Variants in MTUS1 observed in about 807,000 individuals in gnomAD.
The protein encoded by MTUS1 is microtubule-associated tumor suppressor 1.
Under a neutral mutation model 120.8 loss-of-function variants are expected in MTUS1, and 109 were observed. That is an observed-to-expected ratio of 0.90 (90% CI 0.77 to 1.06). The LOEUF (loss-of-function observed/expected upper bound fraction) is 1.06. MTUS1 is among the 50% of genes least tolerant of loss of function. MTUS1 has a pLI of 0.00. For synonymous variants in MTUS1, 737 were observed against 550.5 expected (o/e 1.34, Z -4.74); for missense variants, 2,210 against 1,486.3 (o/e 1.49, Z -8.01).
intron 2 of MTUS1, among the ~76,000 whole-genome samples, chr8:17,749,188 A>G (rs2047998585): frequency 1.3e-5 from 2 of 152,180 alleles, no homozygotes; most frequent in Admixed American, 1.3e-4. Flanking sequence ...CTTAAGACTG[A>G]TAGAACAGAC....
chr8:17,654,195 T>C (rs899338169), intron 10 of MTUS1: 17 of 233,632 alleles, frequency 7.3e-5, no homozygotes, highest in African/African-American at 3.6e-4. Context: ...CATCGACATT[T>C]CACAGCAACA....
In MTUS1 at chr8:17,721,901, T is replaced by C; in HGVS notation, c.2449+1771A>G. On this transcript the variant is annotated intron_variant, in intron 4 of 14. Transcript: ENST00000693296. ...CTGCGAAATCCTCCTGGTACAGTCATTTAAAAGGATCAAAGCAAGCTTAAG... is the reference window on the plus strand; with the variant it reads ...CTGCGAAATCCTCCTGGTACAGTCACTTAAAAGGATCAAAGCAAGCTTAAG... 3.1e-6 allele frequency: 5 copies of C among 1,612,810 alleles called. 1 individual carries two copies. The highest frequency in any genetic ancestry group is 2.2e-5 in the South Asian group (2 of 90,908).
intron 1 of MTUS1, among the ~76,000 whole-genome samples, chr8:17,779,981 G>C (rs1378102302): frequency 3.9e-5 from 6 of 152,180 alleles, no homozygotes; most frequent in Non-Finnish European, 8.8e-5. Flanking sequence ...TTGGATGTGT[G>C]TCCCCTCCAA....
intron 4 of MTUS1, chr8:17,721,773 C>T: frequency 1.9e-6 from 3 of 1,614,044 alleles, no homozygotes; most frequent in Non-Finnish European, 2.5e-6. Context: ...ATCCCACGAC[C>T]AGCAGTGTCA....
intron 6 of MTUS1, among the ~76,000 whole-genome samples, chr8:17,689,058 A>C (rs867812830): frequency 6.6e-6 from 1 of 152,132 alleles, no homozygotes; most frequent in Non-Finnish European, 1.5e-5. Context: ...AAAAATACAA[A>C]AAGTTAGCTG....
chr8:17,767,407 G>T (rs921505655), intron 1 of MTUS1, among the ~76,000 whole-genome samples: 1 of 151,558 alleles, frequency 6.6e-6, no homozygotes, highest in Non-Finnish European at 1.5e-5. Context: ...GTGAGAGGAG[G>T]TAAAAGGGGC....
rs573392771 is a variant in MTUS1 at position 17,772,493 on chromosome 8, G to C, written c.-154-16532C>G. Among the ~76,000 whole-genome samples the C allele has an allele frequency of 7.2e-5, 11 of 152,258 alleles. No individual in the cohort carries two copies. In the East Asian group the frequency reaches 1.9e-3, roughly 27 times the overall value. On this transcript the variant is annotated intron_variant, in intron 1 of 14. Coordinates refer to ENST00000693296, the MANE Select transcript of MTUS1 (RefSeq NM_001363059.2). ...TGCTAAAACATAATTATCTGGTCCT[G>C]CTTCCCAGTAGAAGAGGCCAGTGTA...
intron 6 of MTUS1, among the ~76,000 whole-genome samples, chr8:17,708,066 A>G (rs1728867965): frequency 1.3e-5 from 2 of 152,354 alleles, no homozygotes; most frequent in African/African-American, 4.8e-5. Flanking sequence ...TCTGAGATAC[A>G]ATACCAAAAG....
At chr8:17,711,681 A>G (rs910787250) in intron 6 of MTUS1, among the ~76,000 whole-genome samples, 2 of 152,146 alleles carry the variant, frequency 1.3e-5, no homozygotes, top group African/African-American at 4.8e-5. Context: ...CTTTCCATTT[A>G]CAACTTGGCT....
At chr8:17,798,407 A>C (rs1417670256) in intron 1 of MTUS1, among the ~76,000 whole-genome samples, 1 of 151,658 alleles carries the variant, frequency 6.6e-6, no homozygotes. Context: ...ATCTCGGCTC[A>C]CTGCAACCTC....
intron 1 of MTUS1, among the ~76,000 whole-genome samples, chr8:17,763,080 C>T (rs1332272837): frequency 6.6e-6 from 1 of 152,104 alleles, no homozygotes; most frequent in Non-Finnish European, 1.5e-5. Context: ...CAACCTCCCC[C>T]TCCCGTGTTC....
chr8:17,737,165 T>TG (rs2046994519), intron 3 of MTUS1, among the ~76,000 whole-genome samples: 1 of 152,182 alleles, frequency 6.6e-6, no homozygotes, highest in Non-Finnish European at 1.5e-5. Context: ...GCACAGACTG[T>TG]GGGGCCAGAA....
Position 17,723,689 on chromosome 8 carries a change from C to T in MTUS1, c.2432G>A (p.Ser811Asn). The T allele has an allele frequency of 1.2e-6, 2 of 1,610,720 alleles. No individual in the cohort carries two copies. The highest frequency in any genetic ancestry group is 1.7e-6 in the Non-Finnish European group (2 of 1,177,646). ...CGACTTACAATTGTTGCTGTAAGTG[C>T]TCAGCTCACTGTGGGTGCTGGCTAT... ...PSIASTHSEL[S>N]TYSNNSGNAA... The change falls in exon 4 of 15, where the codon AGC becomes AAC. Residue 811 changes from serine (S) to asparagine (N), a missense_variant. Coordinates refer to ENST00000693296, the MANE Select transcript of MTUS1 (RefSeq NM_001363059.2).
rs188358262 is a variant in MTUS1, at chr8:17,762,294, C to G, written c.-154-6333G>C. 3.3e-5 allele frequency among the ~76,000 whole-genome samples: 5 copies of G among 152,024 alleles called. No homozygotes were observed. In the East Asian group the frequency reaches 9.7e-4, roughly 29 times the overall value. On this transcript the variant is annotated intron_variant, in intron 1 of 14. Coordinates refer to ENST00000693296, the MANE Select transcript of MTUS1 (RefSeq NM_001363059.2). ...ACTTTGTCTCAAAAACAAAACAAAA[C>G]AAAAACAAAAATTAAGCAGCTGAAC...
At position 17,767,749 on chromosome 8, in the gene MTUS1, T is replaced by C. The variant is rs549358758; in HGVS notation, c.-154-11788A>G. Among the ~76,000 whole-genome samples the C allele has an allele frequency of 7.2e-5, 10 of 138,148 alleles. No homozygotes were observed. The South Asian group carries it at 1.9e-3, about 26-fold the overall frequency. The allele number at this position is 138,148 out of a possible 152,430, so 90.6% of individuals were successfully genotyped here. On this transcript the variant is annotated intron_variant, in intron 1 of 14. Transcript: ENST00000693296. ...TGAAAGAGACTGAAGTGCAGCAAGA[T>C]GCTCCAAGTTTGGGGGTTGGGGAAC...
intron 1 of MTUS1, among the ~76,000 whole-genome samples, chr8:17,775,099 G>A (rs978729325): frequency 6.6e-6 from 1 of 152,030 alleles, no homozygotes; most frequent in Non-Finnish European, 1.5e-5. Flanking sequence ...GCTGGGGCAG[G>A]GGAACATGGG....
intron 1 of MTUS1, among the ~76,000 whole-genome samples, chr8:17,797,447 T>TAGG (rs1554550384): frequency 8.6e-5 from 13 of 151,270 alleles, no homozygotes; most frequent in African/African-American, 3.2e-4. Flanking sequence ...AATAAAAAGT[T>TAGG]AGAAGAAATT....
intron 3 of MTUS1, among the ~76,000 whole-genome samples, chr8:17,738,710 C>A (rs543518119): frequency 1.1e-4 from 16 of 152,284 alleles, no homozygotes; most frequent in African/African-American, 3.9e-4. Context: ...TTTCCTGAAG[C>A]AGCATTAATT....
At chr8:17,692,229 A>G (rs904499494) in intron 6 of MTUS1, 2 of 152,154 alleles carry the variant, frequency 1.3e-5, no homozygotes, top group African/African-American at 4.8e-5. Context: ...GAGAAGTCAC[A>G]CGCTCTATTT....
Sources: gnomAD v4.1 joint callset for allele counts (sites outside exome capture counted in the v4.1 genomes callset) on GRCh38, gnomAD v4.1.1 for gene constraint, MANE v1.5 for transcripts, NCBI Gene and HGNC (gene_info 2026-07-23, HGNC 2026-07-21) for gene names.